COL4A3: variants seen among roughly 807,000 people sequenced by gnomAD.
COL4A3 encodes collagen alpha-3(IV) chain.
Under a neutral mutation model 217.4 loss-of-function variants are expected in COL4A3, and 135 were observed. The ratio of observed to expected loss-of-function variants is 0.62; its 90% confidence interval spans 0.54 to 0.72. The LOEUF is 0.72. Ranked by LOEUF, COL4A3 falls within the 30% of genes least tolerant of loss-of-function variation. The probability of loss-of-function intolerance (pLI) is 0.00; values close to 1 mark genes in which losing one functional copy is unlikely to be tolerated. For synonymous variants in COL4A3, 690 were observed against 736.3 expected, an observed-to-expected ratio of 0.94 and a Z score of 1.02; for missense variants, 1,868 against 2,119.9, an observed-to-expected ratio of 0.88 and a Z score of 2.33.
At position 227,249,228 on chromosome 2, in the gene COL4A3, A is replaced by ATTTTTTTTTT. The variant is rs1437063843; in HGVS notation, c.546+709_546+710insTTTTTTTTTT. Among the ~76,000 whole-genome samples the ATTTTTTTTTT allele has an allele frequency of 1.7e-3, 38 of 22,188 alleles. 3 individuals carry two copies. Among genetic ancestry groups the ATTTTTTTTTT allele is most frequent in the African/African-American group, 4.5e-3 (30 of 6,686 alleles). 14.6% of individuals were successfully genotyped at this position (22,188 alleles called of 152,430 possible). On this transcript the variant is annotated intron_variant, in intron 9 of 51. Transcript: ENST00000396578. ...AATTAGCTAGTATATATATATATAT[A>ATTTTTTTTTT]TATTTTTTTTTTTTTTTTTTTTTTT...
At position 227,282,351 on chromosome 2, in the gene COL4A3, T is replaced by G; in HGVS notation, c.2489-14T>G. ...TTTGTGGGTTAATTAATTCATTCAT[T>G]TATTCGTACACAGGCAGAAGAGGTA... On this transcript the variant is annotated splice_polypyrimidine_tract_variant and intron_variant, in intron 31 of 51. Transcript: ENST00000396578. This position sits in a 1 kb window ranked among gnomAD's most constrained non-coding sequence, Gnocchi z 4.4. The G allele has an allele frequency of 6.2e-7, 1 of 1,608,918 alleles. No homozygotes were observed. Among genetic ancestry groups the G allele is most frequent in the Non-Finnish European group, 8.5e-7 (1 of 1,176,882 alleles).
At chr2:227,243,519 G>A (rs1296634804) in intron 3 of COL4A3, among the ~76,000 whole-genome samples, 1 of 152,192 alleles carries the variant, frequency 6.6e-6, no homozygotes, top group Admixed American at 6.5e-5. Context: ...CATGCACCCC[G>A]GAATTCCGCC....
intron 44 of COL4A3, among the ~76,000 whole-genome samples, 196 bp from the exon 45 acceptor site, chr2:227,303,663 G>A (rs1387479553): frequency 6.6e-6 from 1 of 152,190 alleles, no homozygotes; most frequent in East Asian, 1.9e-4. Context: ...GACTCATTAA[G>A]CATGACCTAC....
chr2:227,202,527 T>C (rs1008052670), intron 1 of COL4A3, among the ~76,000 whole-genome samples: 10 of 150,864 alleles, frequency 6.6e-5, no homozygotes, highest in African/African-American at 2.4e-4. Flanking sequence ...GGCGGATCAC[T>C]AGGTCAGGAG....
chr2:227,270,304 A>G (rs971407189), intron 24 of COL4A3, among the ~76,000 whole-genome samples: 2 of 152,238 alleles, frequency 1.3e-5, no homozygotes, highest in Admixed American at 6.5e-5. Flanking sequence ...ATTGTGGCAT[A>G]ATTCTATAAA....
chr2:227,215,349 TATC>T (rs1423024380), intron 1 of COL4A3, among the ~76,000 whole-genome samples: 2 of 152,176 alleles, frequency 1.3e-5, no homozygotes, highest in Non-Finnish European at 2.9e-5. Context: ...CTTACAAAAA[TATC>T]ATATAAATCT....
intron 25 of COL4A3, among the ~76,000 whole-genome samples, chr2:227,271,265 A>G (rs12618305): frequency 0.13 from 20,405 of 152,162 alleles, 1,360 homozygotes; most frequent in Non-Finnish European, 0.15. Context: ...GATGTATAGT[A>G]GAAAGTTTAG....
intron 5 of COL4A3, among the ~76,000 whole-genome samples, chr2:227,245,550 T>C (rs969720873): frequency 3.3e-5 from 5 of 152,190 alleles, no homozygotes; most frequent in Admixed American, 6.5e-5. Flanking sequence ...GGAAACTATA[T>C]GTTACAAGCT....
intron 1 of COL4A3, among the ~76,000 whole-genome samples, chr2:227,182,290 A>G (rs569249314): frequency 6.6e-6 from 1 of 152,160 alleles, no homozygotes; most frequent in Admixed American, 6.5e-5. Flanking sequence ...CCCTCCACCC[A>G]CTCACGACAG....
chr2:227,177,212 C>T (rs1384290463), intron 1 of COL4A3, among the ~76,000 whole-genome samples: 1 of 149,912 alleles, frequency 6.7e-6, no homozygotes, highest in African/African-American at 2.5e-5. Flanking sequence ...TGCAGTGGCG[C>T]CATCTAGGCC....
chr2:227,294,287 T>C lies in COL4A3; in HGVS notation c.3338-203T>C, dbSNP rs2072920939. 1.2e-5 allele frequency: 7 copies of C among 596,276 alleles called. No homozygotes were observed. In the Admixed American group the frequency reaches 1.4e-4, roughly 12 times the overall value. 36.9% of individuals were successfully genotyped at this position (596,276 alleles called of 1,614,324 possible). On this transcript the variant is annotated intron_variant, in intron 38 of 51. Coordinates refer to ENST00000396578, the MANE Select transcript of COL4A3 (RefSeq NM_000091.5). Reference sequence around the variant, plus strand: ...CTTGTGGTTGGTGTACACACATCTTTGAAAGTGATTAGACACATCTCTGCA... The same window carrying C: ...CTTGTGGTTGGTGTACACACATCTTCGAAAGTGATTAGACACATCTCTGCA...
intron 43 of COL4A3, among the ~76,000 whole-genome samples, 184 bp downstream of exon 43, chr2:227,298,996 A>G (rs1315393399): frequency 1.3e-5 from 2 of 152,202 alleles, no homozygotes; most frequent in Non-Finnish European, 2.9e-5. Flanking sequence ...ACAATTCTAC[A>G]TGGCTGGGGA....
intron 1 of COL4A3, among the ~76,000 whole-genome samples, chr2:227,166,389 T>A (rs549869965): frequency 2.0e-5 from 3 of 147,968 alleles, no homozygotes; most frequent in South Asian, 2.1e-4. Flanking sequence ...ATGTGTGTTG[T>A]GGGGAAGCCT....
intron 34 of COL4A3, among the ~76,000 whole-genome samples, chr2:227,288,674 GGCT>G (rs373086865): frequency 6.8e-4 from 103 of 152,244 alleles, no homozygotes; most frequent in African/African-American, 2.3e-3. Flanking sequence ...GAGGTATTTA[GGCT>G]GCTAATTCTT....
rs750401163 is a variant in COL4A3, at chr2:227,307,771, T to C, written c.4314T>C (p.Pro1438=). The C allele has an allele frequency of 9.3e-6, 15 of 1,614,182 alleles. No homozygotes were observed. In the East Asian group the frequency reaches 2.9e-4, roughly 31 times the overall value. ...LKGKRGDSGS[P]ATWTTRGFVF... ...GAAAACGTGGAGACAGTGGATCACC[T>C]GCAACCTGGACAACGAGAGGCTTTG... is the stretch of plus-strand genomic sequence containing the variant. The change falls in exon 48 of 52, where the codon CCT becomes CCC. Residue 1438 remains proline (P), a synonymous_variant. Coordinates refer to ENST00000396578, the MANE Select transcript of COL4A3 (RefSeq NM_000091.5).
At chr2:227,245,142 G>C (rs1255320944) in intron 5 of COL4A3, 147 bp downstream of exon 5, 1 of 761,808 alleles carries the variant, frequency 1.3e-6, no homozygotes, top group African/African-American at 1.7e-5. Context: ...TTATACTAGT[G>C]TGTGGATTTA....
chr2:227,173,328 A>G (rs2065558647), intron 1 of COL4A3, among the ~76,000 whole-genome samples: 2 of 152,190 alleles, frequency 1.3e-5, no homozygotes, highest in Non-Finnish European at 1.5e-5. Flanking sequence ...ATTAGACAGA[A>G]GCTTCACTTT....
chr2:227,210,506 T>C (rs142007222), intron 1 of COL4A3, among the ~76,000 whole-genome samples: 12,045 of 147,960 alleles, frequency 0.081, 685 homozygotes, highest in East Asian at 0.21. Flanking sequence ...AGGAGAATTG[T>C]TTGAACCTGG....
chr2:227,217,928 A>G (rs1007618161), intron 1 of COL4A3, among the ~76,000 whole-genome samples: 4 of 151,392 alleles, frequency 2.6e-5, no homozygotes, highest in African/African-American at 9.7e-5. Context: ...CAAACAAGAC[A>G]GTGCTGGCAC....
Sources: allele counts gnomAD v4.1 joint callset (sites outside exome capture counted in the v4.1 genomes callset), GRCh38; gene constraint gnomAD v4.1.1; non-coding constraint Gnocchi (gnomAD v3.1); transcripts MANE v1.5; gene names NCBI Gene and HGNC (gene_info 2026-07-23, HGNC 2026-07-21).